SNPH: variants seen among roughly 807,000 people sequenced by gnomAD.
The protein encoded by SNPH is syntaphilin.
Under a neutral mutation model 36.8 loss-of-function variants are expected in SNPH, and 10 were observed. That is an observed-to-expected ratio of 0.27 (90% CI 0.17 to 0.46). The LOEUF (loss-of-function observed/expected upper bound fraction) is 0.46, where lower values mean the gene tolerates loss of function less well. Among genes scored for constraint, SNPH ranks in the 20% least tolerant of loss-of-function variants. The pLI, the probability that SNPH is intolerant of heterozygous loss-of-function variation, is 1.00. For missense variants in SNPH, 622 were observed against 744.0 expected (o/e 0.84, Z 1.91); for synonymous variants, 281 against 312.2 (o/e 0.90, Z 1.05).
intron 2 of SNPH, among the ~76,000 whole-genome samples, chr20:1,278,718 CTG>C: frequency 6.6e-6 from 1 of 152,246 alleles, no homozygotes; most frequent in South Asian, 2.1e-4. Flanking sequence ...GAGTCTCACT[CTG>C]TCACCCAGGC....
intron 2 of SNPH, among the ~76,000 whole-genome samples, chr20:1,273,781 GGGA>G (rs1454143874): frequency 6.6e-6 from 1 of 152,124 alleles, no homozygotes; most frequent in Non-Finnish European, 1.5e-5. Context: ...ACGTAAAGAT[GGGA>G]CGGAGAAAAA....
intron 4 of SNPH, 110 bp from the exon 5 acceptor site, chr20:1,297,035 T>C (rs1268360035): frequency 1.4e-6 from 2 of 1,469,788 alleles, no homozygotes; most frequent in Non-Finnish European, 1.8e-6. Flanking sequence ...TCCCCTGTGG[T>C]GACCCCAAAG....
intron 4 of SNPH, 135 bp downstream of exon 4, chr20:1,296,556 GCTAACAC>G: frequency 1.4e-6 from 1 of 720,580 alleles, no homozygotes. Context: ...AAATGAGCTT[GCTAACAC>G]CTGCCTCCTC....
chr20:1,296,405 T>G lies in SNPH; in HGVS notation c.166T>G (p.Ser56Ala). ...AMSLPGSRRT[S>A]AGSRRRTSPP... ...GTCCCTGCCAGGAAGTAGACGGACC[T>G]CTGCTGGATCACGCAGGTGAGTCTC... Residue 56 changes from serine (S) to alanine (A), a missense_variant, in exon 4 of 7, where the codon TCT (serine) becomes GCT (alanine). Ser to Ala is a moderately conservative substitution (Grantham distance 99, BLOSUM62 1). Coordinates refer to ENST00000381867, the MANE Select transcript of SNPH (RefSeq NM_001318234.2). 6.2e-7 allele frequency: 1 copy of G among 1,601,952 alleles called. No individual in the cohort carries two copies. The highest frequency in any genetic ancestry group is 1.4e-5 in the African/African-American group (1 of 74,032).
At chr20:1,281,195 A>AC (rs1405012036) in intron 2 of SNPH, among the ~76,000 whole-genome samples, 4 of 152,068 alleles carry the variant, frequency 2.6e-5, no homozygotes, top group Non-Finnish European at 5.9e-5. Context: ...TCAAGAGTCT[A>AC]CTTCCTAAAT....
At chr20:1,281,241 C>T (rs1325950799) in intron 2 of SNPH, among the ~76,000 whole-genome samples, 1 of 152,176 alleles carries the variant, frequency 6.6e-6, no homozygotes, top group African/African-American at 2.4e-5. Context: ...GTCACCTCCT[C>T]ACCTCCACTC....
chr20:1,296,582 A>C (rs1055040384), intron 4 of SNPH, among the ~76,000 whole-genome samples, 161 bp downstream of exon 4: 2 of 152,190 alleles, frequency 1.3e-5, no homozygotes, highest in Non-Finnish European at 2.9e-5. Flanking sequence ...TCCTGGAACT[A>C]TTTAATGGCT....
rs566805017 is a variant in SNPH, at chr20:1,266,549, T to A, written c.-599-105T>A. ...GGCAGGCAGCCTGCCCTCCAAGCCT[T>A]CTGGCTGCAGCGGCCCAGCTGTCAG... On this transcript the variant is annotated intron_variant, in intron 1 of 6. Coordinates refer to ENST00000381867, the MANE Select transcript of SNPH (RefSeq NM_001318234.2). This position sits in a 1 kb window ranked among gnomAD's most constrained non-coding sequence, Gnocchi z 6.0. 14 of 1,370,492 alleles carry A rather than the reference T, an allele frequency of 1.0e-5. No individual in the cohort carries two copies. The South Asian group carries it at 2.2e-4, about 21-fold the overall frequency. 84.9% of individuals were successfully genotyped at this position (1,370,492 alleles called of 1,614,324 possible).
Position 1,305,364 on chromosome 20 carries a change from G to C in SNPH, c.927G>C (p.Ser309=), listed in dbSNP as rs537448470. 6.2e-7 allele frequency: 1 copy of C among 1,612,438 alleles called. No individual in the cohort carries two copies. The highest frequency in any genetic ancestry group is 1.1e-5 in the South Asian group (1 of 91,046). ...CGCTGGAAGCCAGCAGCCTGCTGTC[G>C]TCGGGGGTGGACTGTGGCACCGAGG... ...TDALEASSLL[S]SGVDCGTEET... The change falls in exon 7 of 7, where the codon TCG becomes TCC. Residue 309 remains serine, a synonymous_variant. Transcript: ENST00000381867.
At chr20:1,278,090 G>C (rs2088172155) in intron 2 of SNPH, among the ~76,000 whole-genome samples, 1 of 131,760 alleles carries the variant, frequency 7.6e-6, no homozygotes, top group Non-Finnish European at 1.6e-5. Flanking sequence ...GTCTCTGTGT[G>C]TGCCTATGTG....
At chr20:1,286,312 C>G (rs2088283686) in intron 2 of SNPH, among the ~76,000 whole-genome samples, 1 of 152,038 alleles carries the variant, frequency 6.6e-6, no homozygotes, top group Non-Finnish European at 1.5e-5. Context: ...GGCCCTGGAT[C>G]TTATTGAAGG....
rs547988968 is a variant in SNPH at position 1,294,163 on chromosome 20, G to A, written c.-492-788G>A. 2.6e-5 allele frequency among the ~76,000 whole-genome samples: 4 copies of A among 152,350 alleles called. No homozygotes were observed. The highest frequency in any genetic ancestry group is 7.2e-5 in the African/African-American group (3 of 41,588). ...CCAGAAGCCAGAGCATGTCACACCTGCAGCTGTGTGACCTTGGGCCCAAAT... is the reference window on the plus strand; with the variant it reads ...CCAGAAGCCAGAGCATGTCACACCTACAGCTGTGTGACCTTGGGCCCAAAT... On this transcript the variant is annotated intron_variant, in intron 2 of 6. Transcript: ENST00000381867. The surrounding 1 kb of genome is among the most constrained non-coding windows in gnomAD (Gnocchi z 4.4).
At chr20:1,268,316 G>A (rs1036586883) in intron 2 of SNPH, among the ~76,000 whole-genome samples, 5 of 152,196 alleles carry the variant, frequency 3.3e-5, no homozygotes, top group African/African-American at 9.7e-5. Flanking sequence ...GCTGGCAGCA[G>A]GGCAGGGATC....
intron 2 of SNPH, among the ~76,000 whole-genome samples, chr20:1,288,857 G>A (rs2088316279): frequency 6.6e-6 from 1 of 152,018 alleles, no homozygotes; most frequent in African/African-American, 2.4e-5. Flanking sequence ...CCTGACCTCA[G>A]GTGATCCGCC....
chr20:1,279,042 C>A (rs1464292025), intron 2 of SNPH, among the ~76,000 whole-genome samples: 2 of 152,216 alleles, frequency 1.3e-5, no homozygotes, highest in Non-Finnish European at 2.9e-5. Flanking sequence ...GTGTATAAAT[C>A]TTTCAATGGA....
At chr20:1,301,041 A>G (rs3818331) in intron 6 of SNPH, among the ~76,000 whole-genome samples, 58,834 of 152,028 alleles carry the variant, frequency 0.39, 11,539 homozygotes, top group Middle Eastern at 0.57. Flanking sequence ...TCTGGCTCCC[A>G]TCTTCCAGGA....
intron 2 of SNPH, among the ~76,000 whole-genome samples, chr20:1,275,858 C>T (rs2088125264): frequency 6.6e-6 from 1 of 152,180 alleles, no homozygotes; most frequent in Non-Finnish European, 1.5e-5. Flanking sequence ...AGTATTTCCT[C>T]CCTGCCATTC....
intron 6 of SNPH, among the ~76,000 whole-genome samples, chr20:1,300,912 C>T (rs147533012): frequency 1.8e-4 from 27 of 152,360 alleles, no homozygotes; most frequent in South Asian, 8.3e-4. Context: ...GACTGCTCCA[C>T]GAGGCTGTTG....
At chr20:1,303,684 G>A (rs571538496) in intron 6 of SNPH, among the ~76,000 whole-genome samples, 16 of 152,264 alleles carry the variant, frequency 1.1e-4, no homozygotes, top group African/African-American at 2.4e-4. Context: ...TCCCTCCAGC[G>A]TATTGTGGAA....
Sources: gnomAD v4.1 joint callset for allele counts (sites outside exome capture counted in the v4.1 genomes callset) on GRCh38, gnomAD v4.1.1 for gene constraint, Gnocchi (gnomAD v3.1) non-coding constraint, MANE v1.5 for transcripts, NCBI Gene and HGNC (gene_info 2026-07-23, HGNC 2026-07-21) for gene names.